Variants in TCHP observed in about 807,000 individuals in gnomAD.
TCHP encodes the protein trichoplein keratin filament binding, also known as trichoplein keratin filament-binding protein.
A neutral mutation model predicts 88.7 loss-of-function variants in TCHP; 81 were observed. The observed-to-expected ratio is 0.91, with a 90% confidence interval of 0.76 to 1.10. The LOEUF (loss-of-function observed/expected upper bound fraction) is 1.10, where lower values mean the gene tolerates loss of function less well. Among genes scored for constraint, TCHP ranks in the 50% least tolerant of loss-of-function variants. The pLI is 0.00. For missense variants in TCHP, 641 were observed against 632.1 expected (o/e 1.01, Z -0.15); for synonymous variants, 232 against 232.5 (o/e 1.00, Z 0.02).
chr12:109,903,154 T>C lies in TCHP; in HGVS notation c.128T>C (p.Met43Thr), dbSNP rs749471461. 5 of 1,613,990 alleles carry C rather than the reference T, an allele frequency of 3.1e-6. No homozygotes were observed. The South Asian group carries it at 5.5e-5, about 18-fold the overall frequency. The change falls in exon 2 of 13, where the codon ATG becomes ACG. Residue 43 changes from methionine (M) to threonine (T), a missense_variant. Transcript: ENST00000405876. This position sits in a 1 kb window ranked among gnomAD's most constrained non-coding sequence, Gnocchi z 4.6. Reference protein sequence around the residue: ...QWEQNSRYFRMSDICSSKQAE... With the variant: ...QWEQNSRYFRTSDICSSKQAE... ...GAGCAGAACAGCCGTTACTTCAGGA[T>C]GTCTGACATCTGCAGCTCCAAACAG... is the stretch of plus-strand genomic sequence containing the variant.
At chr12:109,898,684 A>G (rs1182886478), upstream of TCHP, among the ~76,000 whole-genome samples, 2 of 151,680 alleles carry the variant, frequency 1.3e-5, no homozygotes, top group African/African-American at 4.8e-5. Context: ...CTGGAGTGCA[A>G]TGGTGTGATC....
the TCHP span, among the ~76,000 whole-genome samples, chr12:109,895,205 C>CT: frequency 0.016 from 2,036 of 130,190 alleles, 44 homozygotes; most frequent in African/African-American, 0.047. Flanking sequence ...TCAAGAATTA[C>CT]TTTTTTTTTT....
At chr12:109,914,914 C>T (rs1870718161) in intron 11 of TCHP, 2 of 424,448 alleles carry the variant, frequency 4.7e-6, no homozygotes, top group South Asian at 2.4e-5. Context: ...CTCTTCATTT[C>T]AGTCCCTGAT....
At position 109,906,639 on chromosome 12, in the gene TCHP, A is replaced by G; in HGVS notation, c.524A>G (p.Gln175Arg). The G allele has an allele frequency of 3.1e-6, 5 of 1,606,382 alleles. No homozygotes were observed. Among genetic ancestry groups the G allele is most frequent in the Non-Finnish European group, 4.2e-6 (5 of 1,179,410 alleles). The change falls in exon 5 of 13, where the codon CAG (glutamine) becomes CGG (arginine). Residue 175 changes from glutamine (Q) to arginine (R), a missense_variant and splice_region_variant. Transcript: ENST00000405876. ...GAAATGCAGAAAGAAGAAAAAAAACAGGTGTGGTATGTGGCTCTGGGAATA... is the reference window on the plus strand; with the variant it reads ...GAAATGCAGAAAGAAGAAAAAAAACGGGTGTGGTATGTGGCTCTGGGAATA... ...SWEMQKEEKK[Q>R]QEATAEQENK...
the TCHP span, among the ~76,000 whole-genome samples, chr12:109,885,830 T>A: frequency 6.6e-6 from 1 of 151,878 alleles, no homozygotes; most frequent in East Asian, 1.9e-4. Context: ...CAGGCTGGAA[T>A]GCAGTGGTGC....
At chr12:109,913,242 C>T (rs1209341375) in intron 10 of TCHP, among the ~76,000 whole-genome samples, 170 bp downstream of exon 10, 1 of 152,180 alleles carries the variant, frequency 6.6e-6, no homozygotes, top group Non-Finnish European at 1.5e-5. Flanking sequence ...GAAAAGAATT[C>T]AGAAGTACAG....
At position 109,907,714 on chromosome 12, in the gene TCHP, C is replaced by T. The variant is rs575905260; in HGVS notation, c.699+15C>T. 3 of 1,580,440 alleles carry T rather than the reference C, an allele frequency of 1.9e-6. No individual in the cohort carries two copies. Among genetic ancestry groups the T allele is most frequent in the Admixed American group, 1.9e-5 (1 of 53,282 alleles). On this transcript the variant is annotated intron_variant, in intron 6 of 12. Transcript: ENST00000405876. ...AGGAGGTGGAGGTGGGCACAAGCCCCTCTCAGCCGTGACCTCCTCCACAGC... is the reference window on the plus strand; with the variant it reads ...AGGAGGTGGAGGTGGGCACAAGCCCTTCTCAGCCGTGACCTCCTCCACAGC...
chr12:109,908,779 C>T, intron 7 of TCHP, 81 bp downstream of exon 7: 1 of 1,568,118 alleles, frequency 6.4e-7, no homozygotes, highest in South Asian at 1.1e-5. Flanking sequence ...GTTGCTGAAA[C>T]CATAAAGGAG....
At chr12:109,887,633 C>A in the TCHP span, among the ~76,000 whole-genome samples, 6 of 152,072 alleles carry the variant, frequency 3.9e-5, no homozygotes, top group East Asian at 1.2e-3. Context: ...AGCAAGGATG[C>A]CCCTCATGCC....
At chr12:109,909,208 G>A (rs896333241) in intron 8 of TCHP, among the ~76,000 whole-genome samples, 3 of 152,194 alleles carry the variant, frequency 2.0e-5, no homozygotes, top group Non-Finnish European at 4.4e-5. Flanking sequence ...CCAACTGTGA[G>A]GTGATGGATA....
intron 1 of TCHP, among the ~76,000 whole-genome samples, chr12:109,901,594 A>G (rs918932605): frequency 6.6e-6 from 1 of 152,234 alleles, no homozygotes; most frequent in African/African-American, 2.4e-5. Flanking sequence ...ATAACACCAT[A>G]AAACCTTGAG....
rs747194378 is a variant in TCHP, at chr12:109,906,646, G to T, written c.525+6G>T. On this transcript the variant is annotated splice_donor_region_variant and intron_variant, in intron 5 of 12. Coordinates refer to ENST00000405876, the MANE Select transcript of TCHP (RefSeq NM_001143852.2). ...AGAAAGAAGAAAAAAAACAGGTGTG[G>T]TATGTGGCTCTGGGAATAGCCGCGT... 6.2e-7 allele frequency: 1 copy of T among 1,604,830 alleles called. No individual in the cohort carries two copies. Among genetic ancestry groups the T allele is most frequent in the South Asian group, 1.1e-5 (1 of 91,072 alleles).
At chr12:109,893,729 A>C in the TCHP span, among the ~76,000 whole-genome samples, 6 of 152,166 alleles carry the variant, frequency 3.9e-5, no homozygotes, top group Non-Finnish European at 7.3e-5. Flanking sequence ...GGTCGAGTGA[A>C]ACACAGAGGG....
In TCHP at chr12:109,903,024, C is replaced by A; in HGVS notation, c.1-3C>A. 1.3e-6 allele frequency: 2 copies of A among 1,593,760 alleles called. No individual in the cohort carries two copies. The highest frequency in any genetic ancestry group is 1.7e-6 in the Non-Finnish European group (2 of 1,169,286). On this transcript the variant is annotated splice_region_variant and splice_polypyrimidine_tract_variant and intron_variant, in intron 1 of 12. Transcript: ENST00000405876. The surrounding 1 kb of genome is among the most constrained non-coding windows in gnomAD (Gnocchi z 4.6). ...CTCACTTTCCTCCCATTCCTGTTCT[C>A]AGATGGCGCTCCCGACGCTGCCGTC...
At chr12:109,886,850 A>G in the TCHP span, among the ~76,000 whole-genome samples, 1 of 152,000 alleles carries the variant, frequency 6.6e-6, no homozygotes, top group Non-Finnish European at 1.5e-5. Context: ...CTGGGATTAT[A>G]GGTGTGCACC....
intron 12 of TCHP, among the ~76,000 whole-genome samples, chr12:109,916,160 C>T (rs1003979691): frequency 1.3e-5 from 2 of 152,358 alleles, no homozygotes; most frequent in African/African-American, 4.8e-5. Context: ...CCTGGCCACC[C>T]GGTGCCTAGA....
chr12:109,889,660 G>C, the TCHP span, among the ~76,000 whole-genome samples: 4 of 152,208 alleles, frequency 2.6e-5, no homozygotes, highest in African/African-American at 9.7e-5. Flanking sequence ...TGTCAGGGCT[G>C]ATGTGAGATT....
In TCHP at chr12:109,911,234, A is replaced by T; in HGVS notation, c.1051A>T (p.Arg351Trp). The change falls in exon 9 of 13, where the codon AGG becomes TGG. Residue 351 changes from arginine to tryptophan, a missense_variant and splice_region_variant. Transcript: ENST00000405876. ...AREAELQMLL[R>W]EEAKEMWEKR... ...GGAGGCAGAGCTGCAGATGCTGCTG[A>T]GGTGAGTGGCAGCTGCTGACTGGGC... 2.0e-6 allele frequency: 3 copies of T among 1,520,340 alleles called. No homozygotes were observed. Among genetic ancestry groups the T allele is most frequent in the Non-Finnish European group, 2.7e-6 (3 of 1,119,878 alleles). The allele number at this position is 1,520,340 out of a possible 1,614,324, so 94.2% of individuals were successfully genotyped here.
chr12:109,906,720 C>G, intron 5 of TCHP, 80 bp downstream of exon 5: 1 of 1,219,586 alleles, frequency 8.2e-7, no homozygotes, highest in Non-Finnish European at 1.2e-6. Context: ...TTACCGTTTT[C>G]AGCATCAGTG....
Sources: allele counts gnomAD v4.1 joint callset (sites outside exome capture counted in the v4.1 genomes callset), GRCh38; gene constraint gnomAD v4.1.1; non-coding constraint Gnocchi (gnomAD v3.1); transcripts MANE v1.5; gene names NCBI Gene and HGNC (gene_info 2026-07-23, HGNC 2026-07-21).